SND1: variants seen among roughly 807,000 people sequenced by gnomAD.
SND1 encodes the protein staphylococcal nuclease and tudor domain containing 1.
A neutral mutation model predicts 121.7 loss-of-function variants in SND1; 38 were observed. That is an observed-to-expected ratio of 0.31 (90% CI 0.24 to 0.41). The LOEUF (loss-of-function observed/expected upper bound fraction) is 0.41. Among genes scored for constraint, SND1 ranks in the 10% least tolerant of loss-of-function variants. The pLI is 1.00. For synonymous variants in SND1, 401 were observed against 447.4 expected, an observed-to-expected ratio of 0.90 and a Z score of 1.31; for missense variants, 868 against 1,184.6, an observed-to-expected ratio of 0.73 and a Z score of 3.92.
chr7:127,694,773 G>C, intron 2 of SND1, 55 bp from the exon 3 acceptor site: 1 of 1,602,046 alleles, frequency 6.2e-7, no homozygotes, highest in Non-Finnish European at 8.5e-7. Context: ...CTTGAATGCT[G>C]ATTGGCATCT....
chr7:127,866,170 T>G (rs1412440148), intron 12 of SND1, among the ~76,000 whole-genome samples: 16 of 152,218 alleles, frequency 1.1e-4, no homozygotes. Flanking sequence ...CCAGACATAC[T>G]GAGCTCGAAG....
intron 16 of SND1, among the ~76,000 whole-genome samples, chr7:128,048,054 G>A (rs1792981861): frequency 6.6e-6 from 1 of 151,988 alleles, no homozygotes; most frequent in Admixed American, 6.6e-5. Flanking sequence ...CACCATGTTG[G>A]CCAGGCTGGT....
intron 16 of SND1, among the ~76,000 whole-genome samples, chr7:127,995,122 A>G (rs1802617989): frequency 6.6e-6 from 1 of 152,242 alleles, no homozygotes; most frequent in South Asian, 2.1e-4. Context: ...TGCAAAGCCT[A>G]AACTATTTAC....
At chr7:127,779,560 G>T (rs753956747) in intron 10 of SND1, among the ~76,000 whole-genome samples, 9 of 152,074 alleles carry the variant, frequency 5.9e-5, no homozygotes, top group Non-Finnish European at 1.2e-4. Flanking sequence ...TGTTTGCTCC[G>T]ATTTAGAATG....
In SND1 at chr7:127,674,165, C is replaced by T. The variant is rs562901415; in HGVS notation, c.79-12448C>T. Among the ~76,000 whole-genome samples the T allele has an allele frequency of 2.2e-4, 33 of 152,110 alleles. No individual in the cohort carries two copies. In the South Asian group the frequency reaches 5.0e-3, roughly 23 times the overall value. ...TCCTGCCCTCCTCCCTCCTTCCGTC[C>T]CCACTTGCATTTCTGCATTCCGTCC... On this transcript the variant is annotated intron_variant, in intron 1 of 23. Coordinates refer to ENST00000354725, the MANE Select transcript of SND1 (RefSeq NM_014390.4).
At chr7:127,913,926 A>G (rs1442161909) in intron 14 of SND1, among the ~76,000 whole-genome samples, 1 of 152,202 alleles carries the variant, frequency 6.6e-6, no homozygotes, top group Admixed American at 6.5e-5. Context: ...TGCTTACAAC[A>G]TATTCCCTAC....
At chr7:127,828,054 C>T (rs1161418695) in intron 11 of SND1, among the ~76,000 whole-genome samples, 3 of 152,002 alleles carry the variant, frequency 2.0e-5, no homozygotes, top group African/African-American at 2.4e-5. Flanking sequence ...TGGAGTGCAA[C>T]GGCATGTTCT....
chr7:127,799,700 G>A (rs1044323315), intron 10 of SND1, among the ~76,000 whole-genome samples: 8 of 152,188 alleles, frequency 5.3e-5, no homozygotes, highest in Non-Finnish European at 1.2e-4. Context: ...TATGCTAAAT[G>A]TATTGCGTTG....
At chr7:127,814,908 A>G (rs1010445498) in intron 11 of SND1, among the ~76,000 whole-genome samples, 115 of 152,210 alleles carry the variant, frequency 7.6e-4, no homozygotes, top group African/African-American at 2.7e-3. Context: ...TAAAGGCTAC[A>G]TCTTCATAAT....
At chr7:127,992,252 A>T (rs79026253) in intron 16 of SND1, among the ~76,000 whole-genome samples, 8,944 of 152,214 alleles carry the variant, frequency 0.059, 778 homozygotes, top group African/African-American at 0.19. Context: ...TTGACATGGA[A>T]GGTGCTTCCC....
At chr7:127,877,346 CT>C (rs935140026) in intron 12 of SND1, among the ~76,000 whole-genome samples, 3 of 152,096 alleles carry the variant, frequency 2.0e-5, no homozygotes, top group African/African-American at 7.2e-5. Flanking sequence ...TACTTGCCAG[CT>C]TTATAAAGTG....
chr7:128,008,683 A>C (rs79443718), intron 16 of SND1, among the ~76,000 whole-genome samples: 2,202 of 150,920 alleles, frequency 0.015, 26 homozygotes, highest in Non-Finnish European at 0.023. Flanking sequence ...CACTCCCTCT[A>C]CTCTCCCATG....
intron 12 of SND1, among the ~76,000 whole-genome samples, chr7:127,879,944 A>G (rs1178464883): frequency 6.6e-6 from 1 of 152,200 alleles, no homozygotes; most frequent in Non-Finnish European, 1.5e-5. Flanking sequence ...TCTGCATGAG[A>G]TATATGCCTC....
intron 5 of SND1, among the ~76,000 whole-genome samples, chr7:127,702,033 A>G (rs921672606): frequency 6.6e-6 from 1 of 152,182 alleles, no homozygotes; most frequent in East Asian, 1.9e-4. Flanking sequence ...ATGTGTATTT[A>G]TATGCTATAT....
In SND1 at chr7:127,762,109, C is replaced by T. The variant is rs75116999; in HGVS notation, c.1152+40709C>T. Reference sequence around the variant, plus strand: ...CTTGCTTTGTGGGCACAGGTGAAAACATGGCCACACCGAGCTTGATTTTAT... The same window carrying T: ...CTTGCTTTGTGGGCACAGGTGAAAATATGGCCACACCGAGCTTGATTTTAT... On this transcript the variant is annotated intron_variant, in intron 10 of 23. Transcript: ENST00000354725. Among the ~76,000 whole-genome samples the T allele has an allele frequency of 3.3e-5, 5 of 152,266 alleles. No homozygotes were observed. The East Asian group carries it at 9.6e-4, about 29-fold the overall frequency.
At chr7:128,009,260 G>A (rs981414331) in intron 16 of SND1, among the ~76,000 whole-genome samples, 1 of 152,364 alleles carries the variant, frequency 6.6e-6, no homozygotes, top group African/African-American at 2.4e-5. Context: ...GGGGAAAGAA[G>A]GGTTAGGGCC....
intron 15 of SND1, among the ~76,000 whole-genome samples, chr7:127,955,729 T>C (rs1485075839): frequency 1.3e-5 from 2 of 152,222 alleles, no homozygotes; most frequent in Non-Finnish European, 2.9e-5. Flanking sequence ...TTCTGTCTCC[T>C]AACCAGTCTT....
intron 1 of SND1, 52 bp downstream of exon 1, chr7:127,652,503 C>A (rs1183736412): frequency 1.4e-6 from 2 of 1,418,656 alleles, no homozygotes; most frequent in South Asian, 1.3e-5. Flanking sequence ...GGGCGGGAGT[C>A]AGGCATTGAC....
intron 2 of SND1, among the ~76,000 whole-genome samples, chr7:127,691,779 ATTTTTTT>A (rs75566883): frequency 1.5e-4 from 19 of 127,074 alleles, no homozygotes; most frequent in Middle Eastern, 7.9e-3. Flanking sequence ...TGCCTGGCTA[ATTTTTTT>A]TTTTTTTTTT....
Sources: gnomAD v4.1 joint callset for allele counts (sites outside exome capture counted in the v4.1 genomes callset) on GRCh38, gnomAD v4.1.1 for gene constraint, MANE v1.5 for transcripts, NCBI Gene and HGNC (gene_info 2026-07-23, HGNC 2026-07-21) for gene names.